UGT1A10: variants seen among roughly 807,000 people sequenced by gnomAD.
UGT1A10 encodes the protein UDP glucuronosyltransferase family 1 member A10.
Under a neutral mutation model 45.8 loss-of-function variants are expected in UGT1A10, and 49 were observed. That is an observed-to-expected ratio of 1.07 (90% CI 0.85 to 1.36). The LOEUF is 1.36. Ranked by LOEUF, UGT1A10 falls within the 40% of genes most tolerant of loss-of-function variation. The pLI, the probability that UGT1A10 is intolerant of heterozygous loss-of-function variation, is 0.00. For synonymous variants in UGT1A10, 284 were observed against 249.7 expected, an observed-to-expected ratio of 1.14 and a Z score of -1.29; for missense variants, 745 against 668.6, an observed-to-expected ratio of 1.11 and a Z score of -1.26.
chr2:233,744,004 C>A, intron 1 of UGT1A10: 1 of 1,163,748 alleles, frequency 8.6e-7, no homozygotes, highest in Non-Finnish European at 1.1e-6. Context: ...TGCTCGGAGA[C>A]CTGGGCCGCC....
Position 233,743,944 on chromosome 2 carries a change from C to G in UGT1A10, c.856-23090C>G, listed in dbSNP as rs558062868. 11 of 1,351,522 alleles carry G rather than the reference C, an allele frequency of 8.1e-6. No individual in the cohort carries two copies. In the Admixed American group the frequency reaches 1.2e-4, roughly 14 times the overall value. The allele number at this position is 1,351,522 out of a possible 1,614,324, so 83.7% of individuals were successfully genotyped here. A position where few individuals can be genotyped will look rare whatever the true frequency, so the allele number is the denominator to read the frequency against. ...TGGATGGCCAGAACGGCCCACCAGG[C>G]ACTGGCACAGCGAGCGGCAAGGCTG... On this transcript the variant is annotated intron_variant, in intron 1 of 4. Transcript: ENST00000344644.
At chr2:233,729,415 A>G (rs914222718) in intron 1 of UGT1A10, 1 of 1,613,668 alleles carries the variant, frequency 6.2e-7, no homozygotes. Flanking sequence ...GCTGGGCCAC[A>G]CTCAACTGTA....
intron 1 of UGT1A10, chr2:233,743,868 C>T (rs1183331531): frequency 8.0e-6 from 11 of 1,367,072 alleles, no homozygotes; most frequent in East Asian, 4.5e-5. Context: ...TTGATGGCCT[C>T]GGATGAGGCC....
intron 1 of UGT1A10, chr2:233,750,763 G>T (rs1694554656): frequency 6.6e-6 from 1 of 152,010 alleles, no homozygotes; most frequent in East Asian, 1.9e-4. Context: ...CATCGATGTG[G>T]TGTTGGGCCT....
At chr2:233,727,507 A>C (rs2077622461) in intron 1 of UGT1A10, among the ~76,000 whole-genome samples, 2 of 152,166 alleles carry the variant, frequency 1.3e-5, no homozygotes, top group African/African-American at 4.8e-5. Flanking sequence ...GGAGCCCATG[A>C]ATGTGGGAAG....
intron 1 of UGT1A10, among the ~76,000 whole-genome samples, chr2:233,720,911 A>G (rs1392017117): frequency 6.8e-6 from 1 of 146,884 alleles, no homozygotes; most frequent in Admixed American, 6.8e-5. Flanking sequence ...AGGTTTCGCA[A>G]TGTTAGCCAG....
intron 1 of UGT1A10, chr2:233,729,156 GT>G (rs1390322466): frequency 4.5e-5 from 73 of 1,613,462 alleles, no homozygotes; most frequent in Middle Eastern, 1.7e-4. Flanking sequence ...TTCCCCTGCC[GT>G]GGCTGGCCAC....
Position 233,713,004 on chromosome 2 carries a change from C to A in UGT1A10, c.856-54030C>A, listed in dbSNP as rs942673517. ...GGCTTCTGCTGAGATGGCCACAGGA[C>A]TCCAGGTTCCCCTGCCGCAGCTGGC... On this transcript the variant is annotated intron_variant, in intron 1 of 4. Coordinates refer to ENST00000344644, the MANE Select transcript of UGT1A10 (RefSeq NM_019075.4). 1.5e-5 allele frequency: 25 copies of A among 1,613,434 alleles called. No individual in the cohort carries two copies. The highest frequency in any genetic ancestry group is 2.0e-5 in the Non-Finnish European group (24 of 1,180,048).
chr2:233,694,248 C>T (rs1050180711), intron 1 of UGT1A10, among the ~76,000 whole-genome samples: 1 of 151,938 alleles, frequency 6.6e-6, no homozygotes, highest in African/African-American at 2.4e-5. Flanking sequence ...GGACCTTGAG[C>T]CAGGGACCAG....
chr2:233,690,671 C>G, intron 1 of UGT1A10: 1 of 1,267,248 alleles, frequency 7.9e-7, no homozygotes, highest in South Asian at 1.3e-5. Context: ...CCAGGGCAGG[C>G]CTGGGTCTCC....
rs2012736 is a variant in UGT1A10 at position 233,713,733 on chromosome 2, C to A, written c.856-53301C>A. ...TCAGAGAGAGGTGTCAGTGGTGGAT[C>A]TTGTCAGCCATGCATCTGTGTGGCT... On this transcript the variant is annotated intron_variant, in intron 1 of 4. Transcript: ENST00000344644. The A allele has an allele frequency of 0.091, 144,275 of 1,587,018 alleles. 8,662 individuals carry two copies. The highest frequency in any genetic ancestry group is 0.18 in the South Asian group (15,785 of 87,122).
rs2076338429 is a variant in UGT1A10 at position 233,713,673 on chromosome 2, T to C, written c.856-53361T>C. The C allele has an allele frequency of 1.4e-5, 22 of 1,613,890 alleles. No individual in the cohort carries two copies. The East Asian group carries it at 4.9e-4, about 36-fold the overall frequency. On this transcript the variant is annotated intron_variant, in intron 1 of 4. Transcript: ENST00000344644. Reference sequence around the variant, plus strand: ...CCTGTCCTACCTTTGCCATGCTGTTTCTGCTCCTTATGCAAGCCTTGCCTC... The same window carrying C: ...CCTGTCCTACCTTTGCCATGCTGTTCCTGCTCCTTATGCAAGCCTTGCCTC...
intron 1 of UGT1A10, among the ~76,000 whole-genome samples, chr2:233,650,065 G>T (rs996905694): frequency 6.6e-6 from 1 of 152,106 alleles, no homozygotes; most frequent in African/African-American, 2.4e-5. Context: ...CTGCCTCCTG[G>T]GTTCAAGCGA....
At chr2:233,771,398 A>G (rs1700304180) in intron 4 of UGT1A10, 1 of 152,164 alleles carries the variant, frequency 6.6e-6, no homozygotes, top group Non-Finnish European at 1.5e-5. Context: ...TGATTGGGCA[A>G]TGAACACTGT....
At chr2:233,743,699 G>C (rs780880081) in intron 1 of UGT1A10, 1 of 1,367,268 alleles carries the variant, frequency 7.3e-7, no homozygotes, top group Non-Finnish European at 9.8e-7. Flanking sequence ...GCCGCCCTCC[G>C]CCCCCGCCTC....
At chr2:233,751,259 GC>G (rs1694681470) in intron 1 of UGT1A10, among the ~76,000 whole-genome samples, 1 of 151,926 alleles carries the variant, frequency 6.6e-6, no homozygotes. Flanking sequence ...GGGGCCTGTA[GC>G]CCCCTTTTTT....
intron 1 of UGT1A10, among the ~76,000 whole-genome samples, chr2:233,664,094 G>A (rs2074029040): frequency 6.6e-6 from 1 of 152,150 alleles, no homozygotes; most frequent in South Asian, 2.1e-4. Context: ...ACTCAATGCA[G>A]CCAAGTTCTT....
chr2:233,713,839 A>G (rs1333546186), intron 1 of UGT1A10: 2 of 1,613,942 alleles, frequency 1.2e-6, no homozygotes, highest in Non-Finnish European at 8.5e-7. Context: ...AACTGTGCCA[A>G]CGGGAAGCCA....
chr2:233,725,566 C>A (rs559123427), intron 1 of UGT1A10, among the ~76,000 whole-genome samples: 1 of 152,004 alleles, frequency 6.6e-6, no homozygotes, highest in East Asian at 1.9e-4. Flanking sequence ...AACATATATT[C>A]GATATAAGAT....
Sources: gnomAD v4.1 joint callset for allele counts (sites outside exome capture counted in the v4.1 genomes callset) on GRCh38, gnomAD v4.1.1 for gene constraint, MANE v1.5 for transcripts, NCBI Gene and HGNC (gene_info 2026-07-23, HGNC 2026-07-21) for gene names.